Variants in CNTNAP2 observed in about 807,000 individuals in gnomAD.
CNTNAP2 encodes contactin associated protein 2, also known as contactin-associated protein-like 2.
A neutral mutation model predicts 155.2 loss-of-function variants in CNTNAP2; 98 were observed. The ratio of observed to expected loss-of-function variants is 0.63; its 90% CI spans 0.54 to 0.75. The LOEUF (loss-of-function observed/expected upper bound fraction) is 0.75. Among genes scored for constraint, CNTNAP2 ranks in the 30% least tolerant of loss-of-function variants. CNTNAP2 has a pLI of 0.00. For missense variants in CNTNAP2, 1,727 were observed against 1,688.1 expected (o/e 1.02, Z -0.40); for synonymous variants, 651 against 631.2 (o/e 1.03, Z -0.47).
At chr7:146,410,571 G>A (rs1276534268) in intron 1 of CNTNAP2, among the ~76,000 whole-genome samples, 1 of 152,086 alleles carries the variant, frequency 6.6e-6, no homozygotes, top group Non-Finnish European at 1.5e-5. Context: ...TGTCATGGGA[G>A]TTTGTTGTAC....
At chr7:147,740,662 T>C (rs1478745782) in intron 13 of CNTNAP2, among the ~76,000 whole-genome samples, 1 of 152,202 alleles carries the variant, frequency 6.6e-6, no homozygotes, top group African/African-American at 2.4e-5. Flanking sequence ...GGGGAAAATA[T>C]CATCAGTCAC....
At chr7:147,140,534 TG>T in intron 8 of CNTNAP2, among the ~76,000 whole-genome samples, 1 of 152,250 alleles carries the variant, frequency 6.6e-6, no homozygotes, top group Non-Finnish European at 1.5e-5. Context: ...CAATCTCAAC[TG>T]CTGCTATCAA....
chr7:147,425,374 G>A (rs1230904314), intron 10 of CNTNAP2, among the ~76,000 whole-genome samples: 1 of 151,982 alleles, frequency 6.6e-6, no homozygotes. Flanking sequence ...TTTACTTACA[G>A]CCTCTCTCAT....
chr7:147,866,237 A>G (rs6464846), intron 13 of CNTNAP2, among the ~76,000 whole-genome samples: 151,989 of 152,326 alleles, frequency 1, 75,826 homozygotes, highest in Middle Eastern at 1. Flanking sequence ...GTGATTTTGA[A>G]TGAGTTTCTT....
At chr7:146,141,731 A>G (rs538775875) in intron 1 of CNTNAP2, among the ~76,000 whole-genome samples, 187 of 152,206 alleles carry the variant, frequency 1.2e-3, no homozygotes, top group Non-Finnish European at 2.3e-3. Context: ...CTTTTATTTT[A>G]TAATTCATTA....
At chr7:147,401,516 C>T (rs1796911991) in intron 10 of CNTNAP2, among the ~76,000 whole-genome samples, 2 of 151,910 alleles carry the variant, frequency 1.3e-5, no homozygotes, top group Admixed American at 1.3e-4. Flanking sequence ...TAGGTAGATA[C>T]ATGAAAAATA....
chr7:146,471,404 T>C (rs1459758298), intron 1 of CNTNAP2, among the ~76,000 whole-genome samples: 1 of 152,242 alleles, frequency 6.6e-6, no homozygotes, highest in African/African-American at 2.4e-5. Context: ...TATTCTTGGT[T>C]CTCTGCTTTT....
intron 2 of CNTNAP2, among the ~76,000 whole-genome samples, chr7:146,805,148 G>A (rs1426057472): frequency 6.6e-6 from 1 of 152,224 alleles, no homozygotes; most frequent in East Asian, 1.9e-4. Flanking sequence ...GGGTCTTAAG[G>A]AGAGGACAAG....
At chr7:147,410,872 T>C (rs1797091471) in intron 10 of CNTNAP2, among the ~76,000 whole-genome samples, 2 of 152,226 alleles carry the variant, frequency 1.3e-5, no homozygotes, top group South Asian at 4.1e-4. Context: ...TCACAAGTTA[T>C]TAATATTAGT....
At chr7:148,353,604 G>A (rs1273057291) in intron 21 of CNTNAP2, among the ~76,000 whole-genome samples, 2 of 152,072 alleles carry the variant, frequency 1.3e-5, no homozygotes, top group Non-Finnish European at 2.9e-5. Context: ...AGAGCCTTTT[G>A]GTAGGGTGAA....
intron 12 of CNTNAP2, among the ~76,000 whole-genome samples, chr7:147,602,239 T>C (rs1245308035): frequency 6.6e-6 from 1 of 152,112 alleles, no homozygotes. Context: ...ATAGGAATTA[T>C]AGGACAAGTG....
At chr7:146,662,177 A>T (rs1800101887) in intron 1 of CNTNAP2, among the ~76,000 whole-genome samples, 1 of 150,198 alleles carries the variant, frequency 6.7e-6, no homozygotes, top group Admixed American at 6.6e-5. Context: ...GCTCTTTGTC[A>T]CCCGGGCTGG....
chr7:147,781,926 G>A (rs1223518236), intron 13 of CNTNAP2, among the ~76,000 whole-genome samples: 1 of 152,030 alleles, frequency 6.6e-6, no homozygotes, highest in Admixed American at 6.5e-5. Context: ...GGGAGGCTGA[G>A]GCAGGAGAAT....
chr7:148,400,276 C>T lies in CNTNAP2; in HGVS notation c.3716-9115C>T, dbSNP rs1799554042. ...CCCTTCCGGGGCACCCTGCTGCCGCCACGCGCATTCTGGAAACTGTGCAGC... is the reference window on the plus strand; with the variant it reads ...CCCTTCCGGGGCACCCTGCTGCCGCTACGCGCATTCTGGAAACTGTGCAGC... On this transcript the variant is annotated intron_variant, in intron 22 of 23. Transcript: ENST00000361727. 2.0e-5 allele frequency among the ~76,000 whole-genome samples: 3 copies of T among 152,348 alleles called. No individual in the cohort carries two copies. The South Asian group carries it at 6.2e-4, about 32-fold the overall frequency.
chr7:148,408,387 C>T (rs756555933), intron 22 of CNTNAP2, among the ~76,000 whole-genome samples: 3 of 152,152 alleles, frequency 2.0e-5, no homozygotes, highest in Non-Finnish European at 2.9e-5. Flanking sequence ...GGAAAAAGGG[C>T]TCTACCTGCT....
intron 21 of CNTNAP2, among the ~76,000 whole-genome samples, chr7:148,276,384 A>G (rs1211992194): frequency 6.6e-6 from 1 of 152,200 alleles, no homozygotes; most frequent in Non-Finnish European, 1.5e-5. Flanking sequence ...ACTCTGGAAG[A>G]CAGTGCGAGA....
At chr7:146,839,640 T>C (rs1803680540) in intron 2 of CNTNAP2, 71 bp from the exon 3 acceptor site, 1 of 1,516,678 alleles carries the variant, frequency 6.6e-7, no homozygotes, top group East Asian at 2.3e-5. Context: ...ATATGTAGAA[T>C]ATTCCATTGT....
At chr7:146,162,928 G>A (rs995275646) in intron 1 of CNTNAP2, among the ~76,000 whole-genome samples, 1 of 152,140 alleles carries the variant, frequency 6.6e-6, no homozygotes, top group Non-Finnish European at 1.5e-5. Context: ...AACACCGCAT[G>A]TTCTCACTCA....
chr7:147,319,315 A>T (rs374802380), intron 9 of CNTNAP2, among the ~76,000 whole-genome samples: 2 of 152,198 alleles, frequency 1.3e-5, no homozygotes, highest in Non-Finnish European at 2.9e-5. Flanking sequence ...GTCAAAGTAT[A>T]TAATGGTAAA....
Sources: allele counts gnomAD v4.1 joint callset (sites outside exome capture counted in the v4.1 genomes callset), GRCh38; gene constraint gnomAD v4.1.1; transcripts MANE v1.5; gene names NCBI Gene and HGNC (gene_info 2026-07-23, HGNC 2026-07-21).